HNRNPCL1: variants seen among roughly 807,000 people sequenced by gnomAD.
HNRNPCL1 encodes the protein heterogeneous nuclear ribonucleoprotein C-like 1.
In HNRNPCL1, 15 loss-of-function variants were observed where a neutral mutation model predicts 19.0. That is an observed-to-expected ratio of 0.79 (90% CI 0.53 to 1.22). The LOEUF (loss-of-function observed/expected upper bound fraction) is 1.22, where lower values mean the gene tolerates loss of function less well. Ranked by LOEUF, HNRNPCL1 falls within the 50% of genes most tolerant of loss-of-function variation. The pLI is 0.00. For synonymous variants in HNRNPCL1, 110 were observed against 129.1 expected, an observed-to-expected ratio of 0.85 and a Z score of 1.00; for missense variants, 327 against 354.7, an observed-to-expected ratio of 0.92 and a Z score of 0.63.
rs1312200684 is a variant in HNRNPCL1, at chr1:12,847,732, C to T, written c.558G>A (p.Glu186=). The part of the protein sequence containing the change: ...KGDDLQAIKQ[E]LTQIKQKVDS... Reference sequence around the variant, plus strand: ...CCACTTTCTGTTTTATCTGGGTCAACTCCTGCTTAATGGCCTGAAGGTCAT... The same window carrying T: ...CCACTTTCTGTTTTATCTGGGTCAATTCCTGCTTAATGGCCTGAAGGTCAT... Residue 186 remains glutamate (E), a synonymous_variant, in exon 2 of 2, where the codon GAG becomes GAA. Coordinates refer to ENST00000317869, the MANE Select transcript of HNRNPCL1 (RefSeq NM_001013631.3). 4 of 1,606,664 alleles carry T rather than the reference C, an allele frequency of 2.5e-6. No individual in the cohort carries two copies. The highest frequency in any genetic ancestry group is 2.2e-5 in the East Asian group (1 of 44,708).
Position 12,847,718 on chromosome 1 carries a change from T to C in HNRNPCL1, c.572A>G (p.Lys191Arg), listed in dbSNP as rs1298120479. The C allele has an allele frequency of 1.9e-6, 3 of 1,606,698 alleles. No individual in the cohort carries two copies. The highest frequency in any genetic ancestry group is 2.5e-6 in the Non-Finnish European group (3 of 1,176,588). Residue 191 changes from lysine (K) to arginine (R), a missense_variant, in exon 2 of 2, where the codon AAA becomes AGA. By Grantham distance (26) the Lys-to-Arg change is conservative. This residue lies in a region of HNRNPCL1 where 281 missense variants were observed against 254.7 expected (regional missense o/e 1.10). Coordinates refer to ENST00000317869, the MANE Select transcript of HNRNPCL1 (RefSeq NM_001013631.3). Reference sequence around the variant, plus strand: ...TTCCAGGAGAGAATCCACTTTCTGTTTTATCTGGGTCAACTCCTGCTTAAT... The same window carrying C: ...TTCCAGGAGAGAATCCACTTTCTGTCTTATCTGGGTCAACTCCTGCTTAAT... ...QAIKQELTQIKQKVDSLLENL... is the reference protein window; with the variant it reads ...QAIKQELTQIRQKVDSLLENL...
In HNRNPCL1 at chr1:12,847,563, C is replaced by T. The variant is rs760613530; in HGVS notation, c.727G>A (p.Gly243Ser). The change falls in exon 2 of 2, where the codon GGT becomes AGT. Residue 243 changes from glycine to serine, a missense_variant. This residue lies in a region of HNRNPCL1 where 281 missense variants were observed against 254.7 expected (regional missense o/e 1.10). Coordinates refer to ENST00000317869, the MANE Select transcript of HNRNPCL1 (RefSeq NM_001013631.3). Reference sequence around the variant, plus strand: ...CCCTCCTCAGCAGAGTCTTCTGCACCCCCCTCAGACTCCATCTTCACATGA... The same window carrying T: ...CCCTCCTCAGCAGAGTCTTCTGCACTCCCCTCAGACTCCATCTTCACATGA... ...ETHVKMESEGGAEDSAEEGDP... is the reference protein window; with the variant it reads ...ETHVKMESEGSAEDSAEEGDP... The T allele has an allele frequency of 6.2e-7, 1 of 1,606,442 alleles. No individual in the cohort carries two copies. Among genetic ancestry groups the T allele is most frequent in the East Asian group, 2.2e-5 (1 of 44,686 alleles).
chr1:12,848,376 T>C lies in HNRNPCL1; in HGVS notation c.-87A>G. 6.9e-7 allele frequency: 1 copy of C among 1,459,448 alleles called. No individual in the cohort carries two copies. The highest frequency in any genetic ancestry group is 1.4e-5 in the South Asian group (1 of 69,724). The allele number at this position is 1,459,448 out of a possible 1,614,324, so 90.4% of individuals were successfully genotyped here. A position where few individuals can be genotyped will look rare whatever the true frequency, so the allele number is the denominator to read the frequency against. The stretch of plus-strand genomic sequence containing the variant: ...CGATTCTAAGTCTCCTACTGCCGGG[T>C]TCTACGGGGAGAAACTGACTGCGGC... On this transcript the variant is annotated 5_prime_UTR_variant, in exon 2 of 2. Transcript: ENST00000317869.
rs1306356633 is a variant in HNRNPCL1, at chr1:12,847,771, T to C, written c.519A>G (p.Gly173=). Residue 173 remains glycine, a synonymous_variant, in exon 2 of 2, where the codon GGA becomes GGG. Coordinates refer to ENST00000317869, the MANE Select transcript of HNRNPCL1 (RefSeq NM_001013631.3). Reference sequence around the variant, plus strand: ...CCTGAAGGTCATCACCTTTCAACTTTCCAGACTTGGAAGATCCCCGCTTTC... The same window carrying C: ...CCTGAAGGTCATCACCTTTCAACTTCCCAGACTTGGAAGATCCCCGCTTTC... The part of the protein sequence containing the change: ...KSGKRGSSKS[G]KLKGDDLQAI... 1.2e-6 allele frequency: 2 copies of C among 1,606,770 alleles called. No individual in the cohort carries two copies. The highest frequency in any genetic ancestry group is 1.7e-6 in the Non-Finnish European group (2 of 1,176,640).
Position 12,848,636 on chromosome 1 carries a change from AC to A in HNRNPCL1, c.-182+44del, listed in dbSNP as rs1166033229. The A allele has an allele frequency of 9.4e-6, 3 of 320,132 alleles. 1 individual carries two copies. Among genetic ancestry groups the A allele is most frequent in the African/African-American group, 6.5e-5 (3 of 46,030 alleles). The allele number at this position is 320,132 out of a possible 1,614,324, so 19.8% of individuals were successfully genotyped here. On this transcript the variant is annotated intron_variant, in intron 1 of 1. Transcript: ENST00000317869. ...CACTGTCACCGTTCTAGACCGGCTG[AC>A]TGTAGGTCAGATGGGAGTGTCCTTC...
At position 12,847,849 on chromosome 1, in the gene HNRNPCL1, A is replaced by G. The variant is rs2359483; in HGVS notation, c.441T>C (p.Arg147=). ...ALAVVPSKRQ[R]LSGNTSRRGK... is the part of the protein sequence containing the mutation. Reference sequence around the variant, plus strand: ...CCCTTCGTGAGGTGTTTCCTGATAGACGTTGACGTTTCGAGGGCACTACAG... The same window carrying G: ...CCCTTCGTGAGGTGTTTCCTGATAGGCGTTGACGTTTCGAGGGCACTACAG... Residue 147 remains arginine (R), a synonymous_variant, in exon 2 of 2, where the codon CGT becomes CGC. Transcript: ENST00000317869. 63 of 1,606,252 alleles carry G rather than the reference A, an allele frequency of 3.9e-5. 7 individuals are homozygous for G. In the South Asian group the frequency reaches 5.1e-4, roughly 13 times the overall value.
rs1199072203 is a variant in HNRNPCL1 at position 12,847,986 on chromosome 1, C to T, written c.304G>A (p.Ala102Thr). 1 of 1,607,752 alleles carries T rather than the reference C, an allele frequency of 6.2e-7. No individual in the cohort carries two copies. Among genetic ancestry groups the T allele is most frequent in the Non-Finnish European group, 8.5e-7 (1 of 1,177,086 alleles). ...TCAAAAGAGGAGCCGTACATCTCCGCTGCTGATCGTTTCACACCTGCGTTT... is the reference window on the plus strand; with the variant it reads ...TCAAAAGAGGAGCCGTACATCTCCGTTGCTGATCGTTTCACACCTGCGTTT... ...RGNAGVKRSAAEMYGSSFDLD... is the reference protein window; with the variant it reads ...RGNAGVKRSATEMYGSSFDLD... The change falls in exon 2 of 2, where the codon GCG becomes ACG. Residue 102 changes from alanine (A) to threonine (T), a missense_variant. By Grantham distance (58) the Ala-to-Thr change is moderately conservative. Transcript: ENST00000317869.
rs751717104 is a variant in HNRNPCL1, at chr1:12,847,728, T to C, written c.562A>G (p.Thr188Ala). The C allele has an allele frequency of 6.2e-7, 1 of 1,606,754 alleles. No individual in the cohort carries two copies. The highest frequency in any genetic ancestry group is 8.5e-7 in the Non-Finnish European group (1 of 1,176,596). ...DDLQAIKQEL[T>A]QIKQKVDSLL... ...GAATCCACTTTCTGTTTTATCTGGG[T>C]CAACTCCTGCTTAATGGCCTGAAGG... The change falls in exon 2 of 2, where the codon ACC becomes GCC. Residue 188 changes from threonine (T) to alanine (A), a missense_variant. Transcript: ENST00000317869.
At position 12,848,719 on chromosome 1, in the gene HNRNPCL1, A is replaced by C. The variant is rs1474498466; in HGVS notation, c.-220T>G. 5.8e-6 allele frequency: 1 copy of C among 171,014 alleles called. No individual in the cohort carries two copies. Among genetic ancestry groups the C allele is most frequent in the African/African-American group, 2.5e-5 (1 of 40,320 alleles). The allele number at this position is 171,014 out of a possible 1,614,324, so 10.6% of individuals were successfully genotyped here. A position where few individuals can be genotyped will look rare whatever the true frequency, so the allele number is the denominator to read the frequency against. ...AGTTTAGACCTCTGGTTGTAGTTGT[A>C]GCTCAGACCTCAGGAAGAGCCAAGC... On this transcript the variant is annotated 5_prime_UTR_variant, in exon 1 of 2. Transcript: ENST00000317869.
chr1:12,847,503 C>A lies in HNRNPCL1; in HGVS notation c.787G>T (p.Gly263Trp), dbSNP rs1236008801. Residue 263 changes from glycine to tryptophan, a missense_variant, in exon 2 of 2, where the codon GGG becomes TGG. Gly to Trp is a radical substitution (Grantham distance 184). Coordinates refer to ENST00000317869, the MANE Select transcript of HNRNPCL1 (RefSeq NM_001013631.3). ...PLDDDVNEDQ[G>W]DDQLELIKDD... ...TTGATCAACTCCAGCTGGTCATCCC[C>A]CTGATCTTCATTAACATCATCATCC... 4.2e-5 allele frequency: 68 copies of A among 1,606,518 alleles called. 5 individuals are homozygous for A. Among genetic ancestry groups the A allele is most frequent in the Non-Finnish European group, 5.4e-5 (63 of 1,176,690 alleles).
chr1:12,847,473 C>A lies in HNRNPCL1; in HGVS notation c.817G>T (p.Asp273Tyr), dbSNP rs2359491. ...TCTCCTTCCTCAGCCTCTTTTTCAT[C>A]ATCCTTGATCAACTCCAGCTGGTCA... Reference protein sequence around the residue: ...GDDQLELIKDDEKEAEEGEDD... With the variant: ...GDDQLELIKDYEKEAEEGEDD... The change falls in exon 2 of 2, where the codon GAT becomes TAT. Residue 273 changes from aspartate to tyrosine, a missense_variant. By Grantham distance (160) the Asp-to-Tyr change is radical (BLOSUM62 -3). Transcript: ENST00000317869. 1 of 1,606,684 alleles carries A rather than the reference C, an allele frequency of 6.2e-7. No individual in the cohort carries two copies.
At position 12,848,358 on chromosome 1, in the gene HNRNPCL1, AAGT is replaced by A. The variant is rs1640306913; in HGVS notation, c.-72_-70del. On this transcript the variant is annotated 5_prime_UTR_variant, in exon 2 of 2. Transcript: ENST00000317869. The stretch of plus-strand genomic sequence containing the variant: ...CGGGAGGGAGAAGAGATTCGATTCT[AAGT>A]CTCCTACTGCCGGGTTCTACGGGGA... 6.9e-7 allele frequency: 1 copy of A among 1,447,604 alleles called. No individual in the cohort carries two copies. Among genetic ancestry groups the A allele is most frequent in the South Asian group, 1.5e-5 (1 of 68,740 alleles). The allele number at this position is 1,447,604 out of a possible 1,614,324, so 89.7% of individuals were successfully genotyped here.
chr1:12,848,121 A>G lies in HNRNPCL1; in HGVS notation c.169T>C (p.Tyr57His). ...GCCCGGGCATTTTTCTCCTTATCATATTGAACGAAGGCAAAGCCCTTATGA... is the reference window on the plus strand; with the variant it reads ...GCCCGGGCATTTTTCTCCTTATCATGTTGAACGAAGGCAAAGCCCTTATGA... ...SVHKGFAFVQ[Y>H]DKEKNARAAV... Residue 57 changes from tyrosine (Y) to histidine (H), a missense_variant, in exon 2 of 2, where the codon TAT (tyrosine) becomes CAT (histidine). Tyr to His is a moderately conservative substitution (Grantham distance 83, BLOSUM62 2). Transcript: ENST00000317869. 1 of 1,602,206 alleles carries G rather than the reference A, an allele frequency of 6.2e-7. No homozygotes were observed. The highest frequency in any genetic ancestry group is 8.5e-7 in the Non-Finnish European group (1 of 1,174,492).
Position 12,847,840 on chromosome 1 carries a change from T to G in HNRNPCL1, c.450A>C (p.Gly150=). The change falls in exon 2 of 2, where the codon GGA becomes GGC. Residue 150 remains glycine, a synonymous_variant. Transcript: ENST00000317869. The stretch of plus-strand genomic sequence containing the variant: ...CACTTTTGCCCCTTCGTGAGGTGTT[T>G]CCTGATAGACGTTGACGTTTCGAGG... ...VVPSKRQRLS[G]NTSRRGKSGF... 6.2e-7 allele frequency: 1 copy of G among 1,606,702 alleles called. No individual in the cohort carries two copies. Among genetic ancestry groups the G allele is most frequent in the Non-Finnish European group, 8.5e-7 (1 of 1,176,580 alleles).
rs1640278376 is a variant in HNRNPCL1 at position 12,847,453 on chromosome 1, T to C, written c.837A>G (p.Glu279=). The part of the protein sequence containing the change: ...LIKDDEKEAE[E]GEDDRDSTNG... ...TGGTGCTGTCTCTGTCATCCTCTCC[T>C]TCCTCAGCCTCTTTTTCATCATCCT... Residue 279 remains glutamate (E), a synonymous_variant, in exon 2 of 2, where the codon GAA becomes GAG. Coordinates refer to ENST00000317869, the MANE Select transcript of HNRNPCL1 (RefSeq NM_001013631.3). 1.9e-6 allele frequency: 3 copies of C among 1,606,846 alleles called. 1 individual carries two copies. In the Admixed American group the frequency reaches 5.2e-5, roughly 28 times the overall value.
chr1:12,848,243 G>A lies in HNRNPCL1; in HGVS notation c.47C>T (p.Ser16Phe). 1 of 1,528,256 alleles carries A rather than the reference G, an allele frequency of 6.5e-7. No homozygotes were observed. The highest frequency in any genetic ancestry group is 8.8e-7 in the Non-Finnish European group (1 of 1,133,716). The allele number at this position is 1,528,256 out of a possible 1,614,324, so 94.7% of individuals were successfully genotyped here. A position where few individuals can be genotyped will look rare whatever the true frequency, so the allele number is the denominator to read the frequency against. The change falls in exon 2 of 2, where the codon TCC becomes TTC. Residue 16 changes from serine to phenylalanine, a missense_variant. By Grantham distance (155) the Ser-to-Phe change is radical (BLOSUM62 -2). Transcript: ENST00000317869. ...TNKMDPHSMN[S>F]RVFIGNLNTL... is the part of the protein sequence containing the mutation. ...GTTGAGATTCCCAATGAACACACGG[G>A]AGTTCATGGAGTGAGGATCCATCTT...
In HNRNPCL1 at chr1:12,847,990, T is replaced by G. The variant is rs2982093; in HGVS notation, c.300A>C (p.Ser100=). The change falls in exon 2 of 2, where the codon TCA becomes TCC. Residue 100 remains serine (S), a synonymous_variant. Transcript: ENST00000317869. ...AAGAGGAGCCGTACATCTCCGCTGC[T>G]GATCGTTTCACACCTGCGTTTCCTC... The part of the protein sequence containing the change: ...VNRGNAGVKR[S]AAEMYGSSFD... 58,821 of 1,533,188 alleles carry G rather than the reference T, an allele frequency of 0.038. 167 individuals are homozygous for G. Among genetic ancestry groups the G allele is most frequent in the East Asian group, 0.19 (7,566 of 40,512 alleles). 95.0% of individuals were successfully genotyped at this position (1,533,188 alleles called of 1,614,324 possible).
Position 12,847,927 on chromosome 1 carries a change from A to G in HNRNPCL1, c.363T>C (p.Asp121=). The G allele has an allele frequency of 6.2e-7, 1 of 1,607,006 alleles. No individual in the cohort carries two copies. Among genetic ancestry groups the G allele is most frequent in the Non-Finnish European group, 8.5e-7 (1 of 1,176,662 alleles). ...CACGTGCTGGGAAACTGTACATTCC[A>G]TCATAATAATCCCGTTGAAAGCCAT... ...LDYGFQRDYY[D]GMYSFPARVP... Residue 121 remains aspartate, a synonymous_variant, in exon 2 of 2, where the codon GAT becomes GAC. Transcript: ENST00000317869.
chr1:12,848,028 G>T lies in HNRNPCL1; in HGVS notation c.262C>A (p.Pro88Thr). 2 of 1,607,058 alleles carry T rather than the reference G, an allele frequency of 1.2e-6. No homozygotes were observed. Among genetic ancestry groups the T allele is most frequent in the Non-Finnish European group, 1.7e-6 (2 of 1,176,742 alleles). ...QVVDINLAAE[P>T]KVNRGNAGVK... Reference sequence around the variant, plus strand: ...CCTGCGTTTCCTCGGTTCACTTTTGGCTCCGCAGCCAGGTTAATATCTACA... The same window carrying T: ...CCTGCGTTTCCTCGGTTCACTTTTGTCTCCGCAGCCAGGTTAATATCTACA... Residue 88 changes from proline to threonine, a missense_variant, in exon 2 of 2, where the codon CCA becomes ACA. Around this residue, in one of 2 missense-constraint regions of HNRNPCL1, gnomAD observed 281 missense variants for 254.7 expected, o/e 1.10. Transcript: ENST00000317869.
Sources: gnomAD v4.1 joint callset for allele counts on GRCh38, gnomAD v4.1.1 for gene constraint, gnomAD v4.1.1 regional missense constraint, MANE v1.5 for transcripts, NCBI Gene and HGNC (gene_info 2026-07-23, HGNC 2026-07-21) for gene names.